Variants in PSMA4 observed in about 807,000 individuals in gnomAD.
The protein encoded by PSMA4 is proteasome 20S subunit alpha 4, also known as proteasome subunit alpha type-4.
Under a neutral mutation model 37.2 loss-of-function variants are expected in PSMA4, and 8 were observed. The observed-to-expected ratio is 0.22, with a 90% CI of 0.13 to 0.39. The LOEUF is 0.39. PSMA4 is among the 10% of genes least tolerant of loss of function. The pLI is 1.00. For synonymous variants in PSMA4, 93 were observed against 98.8 expected (o/e 0.94, Z 0.35); for missense variants, 169 against 305.1 (o/e 0.55, Z 3.32).
chr15:78,545,561 C>T, intron 6 of PSMA4, 73 bp from the exon 7 acceptor site: 4 of 1,522,784 alleles, frequency 2.6e-6, no homozygotes, highest in South Asian at 1.1e-5. Context: ...TAGCTACCTT[C>T]ACTGAGCTCA....
chr15:78,542,701 G>T, intron 4 of PSMA4, 56 bp downstream of exon 4: 3 of 1,482,946 alleles, frequency 2.0e-6, no homozygotes, highest in Non-Finnish European at 2.7e-6. Flanking sequence ...CACATAAGTG[G>T]GATCTATGTA....
chr15:78,548,958 A>T lies in PSMA4; in HGVS notation c.*14A>T, dbSNP rs2052605672. On this transcript the variant is annotated 3_prime_UTR_variant, in exon 9 of 9. Coordinates refer to ENST00000044462, the MANE Select transcript of PSMA4 (RefSeq NM_002789.6). ...AAGGATAAATAGAATCAGAGATTTT[A>T]TTACTCATTTGGGGCACCATTTCAG... 2 of 1,598,162 alleles carry T rather than the reference A, an allele frequency of 1.3e-6. No homozygotes were observed. Among genetic ancestry groups the T allele is most frequent in the Non-Finnish European group, 1.7e-6 (2 of 1,174,688 alleles).
At chr15:78,545,831 T>C in intron 7 of PSMA4, 67 bp downstream of exon 7, 1 of 1,534,862 alleles carries the variant, frequency 6.5e-7, no homozygotes, top group Middle Eastern at 1.7e-4. Context: ...TTTGCCATGG[T>C]GATGAATGTA....
chr15:78,547,066 AG>A (rs1231851255), intron 8 of PSMA4, among the ~76,000 whole-genome samples: 2 of 152,196 alleles, frequency 1.3e-5, no homozygotes, highest in African/African-American at 4.8e-5. Flanking sequence ...GCGCCCAGCC[AG>A]CAACTGTTAA....
intron 6 of PSMA4, among the ~76,000 whole-genome samples, 188 bp from the exon 7 acceptor site, chr15:78,545,446 C>T (rs1287627344): frequency 6.6e-6 from 1 of 152,162 alleles, no homozygotes; most frequent in Non-Finnish European, 1.5e-5. Flanking sequence ...CCTCTTCTGG[C>T]TGTGTCCAAA....
At chr15:78,547,317 T>A (rs531863864) in intron 8 of PSMA4, among the ~76,000 whole-genome samples, 11 of 152,344 alleles carry the variant, frequency 7.2e-5, no homozygotes, top group African/African-American at 2.6e-4. Flanking sequence ...AGTTAACAGT[T>A]ATCAAGTCTT....
In PSMA4 at chr15:78,548,883, A is replaced by G; in HGVS notation, c.725A>G (p.Glu242Gly). The part of the protein sequence containing the change: ...EVEQLIKKHE[E>G]EEAKAEREKK... ...GAGCAGTTGATCAAAAAACATGAGGAAGAAGAAGCCAAAGCTGAGCGTGAG... is the reference window on the plus strand; with the variant it reads ...GAGCAGTTGATCAAAAAACATGAGGGAGAAGAAGCCAAAGCTGAGCGTGAG... Residue 242 changes from glutamate (E) to glycine (G), a missense_variant, in exon 9 of 9, where the codon GAA (glutamate) becomes GGA (glycine). Physicochemically the swap from Glu to Gly is moderately conservative, Grantham distance 98 (BLOSUM62 -2). This residue lies in a region of PSMA4 where 90 missense variants were observed against 92.7 expected (regional missense o/e 0.97). Coordinates refer to ENST00000044462, the MANE Select transcript of PSMA4 (RefSeq NM_002789.6). 6.2e-7 allele frequency: 1 copy of G among 1,613,238 alleles called. No homozygotes were observed. Among genetic ancestry groups the G allele is most frequent in the Non-Finnish European group, 8.5e-7 (1 of 1,179,630 alleles).
At chr15:78,541,738 CT>C in intron 1 of PSMA4, 166 bp from the exon 2 acceptor site, 1 of 619,102 alleles carries the variant, frequency 1.6e-6, no homozygotes, top group Non-Finnish European at 2.8e-6. Flanking sequence ...CCAGTATTAG[CT>C]TTTCAGGACA....
Position 78,541,852 on chromosome 15 carries a change from G to A in PSMA4, c.-23-53G>A, listed in dbSNP as rs1596040999. ...AAACAGATTTGTAAAGTCAGCAAAT[G>A]CTTTTTAATTTGTGAATCTTATTTT... On this transcript the variant is annotated intron_variant, in intron 1 of 8. Transcript: ENST00000044462. 1.1e-5 allele frequency: 16 copies of A among 1,417,424 alleles called. No homozygotes were observed. In the East Asian group the frequency reaches 3.7e-4, roughly 32 times the overall value. The allele number at this position is 1,417,424 out of a possible 1,614,324, so 87.8% of individuals were successfully genotyped here.
At chr15:78,541,762 A>T (rs928861181) in intron 1 of PSMA4, 143 bp from the exon 2 acceptor site, 9 of 694,096 alleles carry the variant, frequency 1.3e-5, no homozygotes, top group African/African-American at 1.1e-4. Flanking sequence ...AACTGGTTTT[A>T]CACATTTTGG....
chr15:78,549,837 G>A lies in PSMA4; in HGVS notation c.*893G>A, dbSNP rs1407590151. ...AAGCATGCTGTATCGATTAACTCAA[G>A]CTCTGTGGTGGAACCCAGATATTAA... On this transcript the variant is annotated 3_prime_UTR_variant, in exon 9 of 9. Coordinates refer to ENST00000044462, the MANE Select transcript of PSMA4 (RefSeq NM_002789.6). The A allele has an allele frequency of 6.6e-6, 1 of 152,238 alleles. No homozygotes were observed. The highest frequency in any genetic ancestry group is 1.5e-5 in the Non-Finnish European group (1 of 68,070). 9.4% of individuals were successfully genotyped at this position (152,238 alleles called of 1,614,324 possible).
intron 5 of PSMA4, 183 bp from the exon 6 acceptor site, chr15:78,544,686 A>G (rs1245357871): frequency 6.1e-6 from 3 of 495,350 alleles, no homozygotes; most frequent in African/African-American, 5.9e-5. Context: ...ATTTTTTTCA[A>G]CCAAACTTAC....
chr15:78,545,605 A>G (rs763248157), intron 6 of PSMA4, 29 bp from the exon 7 acceptor site: 12 of 1,608,026 alleles, frequency 7.5e-6, no homozygotes, highest in Admixed American at 5.0e-5. Flanking sequence ...TAGATTATTG[A>G]TATGTTTGGC....
rs777704511 is a variant in PSMA4, at chr15:78,548,803, A to G, written c.645A>G (p.Thr215=). Residue 215 remains threonine, a synonymous_variant, in exon 9 of 9, where the codon ACA becomes ACG. Coordinates refer to ENST00000044462, the MANE Select transcript of PSMA4 (RefSeq NM_002789.6). ...KLSAEKVEIA[T]LTRENGKTVI... ...GTTTGTTTTTAGTGGAAATTGCAACACTAACAAGAGAGAATGGAAAGACAG... is the reference window on the plus strand; with the variant it reads ...GTTTGTTTTTAGTGGAAATTGCAACGCTAACAAGAGAGAATGGAAAGACAG... 1.9e-6 allele frequency: 3 copies of G among 1,604,486 alleles called. No homozygotes were observed. The highest frequency in any genetic ancestry group is 1.7e-6 in the Non-Finnish European group (2 of 1,177,582).
At chr15:78,546,347 G>GGT (rs1164212165) in intron 7 of PSMA4, among the ~76,000 whole-genome samples, 4 of 151,980 alleles carry the variant, frequency 2.6e-5, no homozygotes, top group Non-Finnish European at 5.9e-5. Flanking sequence ...AGGAGGCCAA[G>GGT]GTGGGAGGAG....
rs780573342 is a variant in PSMA4 at position 78,545,628 on chromosome 15, T to A, written c.377-6T>A. The A allele has an allele frequency of 1.9e-6, 3 of 1,613,620 alleles. No individual in the cohort carries two copies. In the African/African-American group the frequency reaches 4.0e-5, roughly 22 times the overall value. On this transcript the variant is annotated splice_region_variant and splice_polypyrimidine_tract_variant and intron_variant, in intron 6 of 8. Coordinates refer to ENST00000044462, the MANE Select transcript of PSMA4 (RefSeq NM_002789.6). ...TGATATGTTTGGCTTTTTTTCTTTG[T>A]TAAAGGAAAACGTCCCTTTGGTGTT...
chr15:78,542,921 A>G (rs1035181120), intron 4 of PSMA4, among the ~76,000 whole-genome samples: 15 of 152,346 alleles, frequency 9.8e-5, no homozygotes, highest in Non-Finnish European at 2.2e-4. Context: ...CATGCAGGCT[A>G]TGTGACCTTG....
In PSMA4 at chr15:78,544,268, G is replaced by A; in HGVS notation, c.287+1G>A. The A allele has an allele frequency of 1.9e-6, 3 of 1,596,298 alleles. No individual in the cohort carries two copies. Among genetic ancestry groups the A allele is most frequent in the East Asian group, 2.2e-5 (1 of 44,452 alleles). On this transcript the variant is annotated splice_donor_variant, in intron 5 of 8. Coordinates refer to ENST00000044462, the MANE Select transcript of PSMA4 (RefSeq NM_002789.6). LOFTEE classifies it high-confidence loss of function. ...ATGAACTAAGGCTCATTGCTCAAAG[G>A]TATGGTCATAAATAGCATAACTGAT...
intron 2 of PSMA4, 106 bp from the exon 3 acceptor site, chr15:78,542,071 A>T: frequency 6.9e-7 from 1 of 1,458,882 alleles, no homozygotes; most frequent in Non-Finnish European, 9.5e-7. Flanking sequence ...CCTCTCACCT[A>T]TTGAACTTTG....
Sources: gnomAD v4.1 joint callset for allele counts (sites outside exome capture counted in the v4.1 genomes callset) on GRCh38, gnomAD v4.1.1 for gene constraint, gnomAD v4.1.1 regional missense constraint, MANE v1.5 for transcripts, NCBI Gene and HGNC (gene_info 2026-07-23, HGNC 2026-07-21) for gene names.